DGKD: variants seen among roughly 807,000 people sequenced by gnomAD.
DGKD encodes diacylglycerol kinase delta.
DGKD carries 68 observed loss-of-function variants against 154.4 expected under a neutral mutation model. The observed-to-expected ratio is 0.44, with a 90% CI of 0.36 to 0.54. The LOEUF (loss-of-function observed/expected upper bound fraction) is 0.54. Ranked by LOEUF, DGKD falls within the 20% of genes least tolerant of loss-of-function variation. The pLI, the probability that DGKD is intolerant of heterozygous loss-of-function variation, is 0.00. For missense variants in DGKD, 1,343 were observed against 1,593.6 expected (o/e 0.84, Z 2.68); for synonymous variants, 693 against 638.0 (o/e 1.09, Z -1.30).
chr2:233,469,449 G>C lies in DGKD; in HGVS notation c.3634G>C (p.Val1212Leu). The stretch of plus-strand genomic sequence containing the variant: ...GGAGCTGAGCCGCAGCGCCCCCGCC[G>C]TCGAGGCCTAGCCTCTGTCCTCTCA... The part of the protein sequence containing the change: ...IKELSRSAPA[V>L]EA The change falls in exon 30 of 30, where the codon GTC (valine) becomes CTC (leucine). Residue 1212 changes from valine to leucine, a missense_variant. Transcript: ENST00000264057. 1 of 1,600,836 alleles carries C rather than the reference G, an allele frequency of 6.2e-7. No individual in the cohort carries two copies. The highest frequency in any genetic ancestry group is 1.1e-5 in the South Asian group (1 of 88,778).
chr2:233,425,420 C>T (rs2062262004), intron 3 of DGKD, among the ~76,000 whole-genome samples: 1 of 152,178 alleles, frequency 6.6e-6, no homozygotes, highest in Admixed American at 6.5e-5. Context: ...ATCTCCTGAC[C>T]TCGTGATTTG....
At chr2:233,379,754 G>A (rs530051118) in intron 1 of DGKD, 2 of 152,316 alleles carry the variant, frequency 1.3e-5, no homozygotes, top group South Asian at 2.1e-4. Context: ...AGGCTCAGGA[G>A]GTTGGGAGTG....
In DGKD at chr2:233,441,409, C is replaced by G. The variant is rs1035932535; in HGVS notation, c.1086-478C>G. Among the ~76,000 whole-genome samples the G allele has an allele frequency of 6.6e-6, 1 of 152,110 alleles. No homozygotes were observed. The highest frequency in any genetic ancestry group is 1.5e-5 in the Non-Finnish European group (1 of 68,002). On this transcript the variant is annotated intron_variant, in intron 9 of 29. Coordinates refer to ENST00000264057, the MANE Select transcript of DGKD (RefSeq NM_152879.3). This position sits in a 1 kb window ranked among gnomAD's most constrained non-coding sequence, Gnocchi z 5.6. ...CGGAAGCCAGACTGTGGCCCAGGGCCGGGGAGTGCCAAGACTGAGGGTGCA... is the reference window on the plus strand; with the variant it reads ...CGGAAGCCAGACTGTGGCCCAGGGCGGGGGAGTGCCAAGACTGAGGGTGCA...
chr2:233,360,263 A>C (rs1458654052), intron 1 of DGKD, among the ~76,000 whole-genome samples: 1 of 151,992 alleles, frequency 6.6e-6, no homozygotes, highest in African/African-American at 2.4e-5. Flanking sequence ...TCTTTAAAAA[A>C]ATTTTTTTTC....
intron 10 of DGKD, 123 bp downstream of exon 10, chr2:233,442,118 T>G: frequency 1.1e-6 from 1 of 950,974 alleles, no homozygotes; most frequent in Non-Finnish European, 1.7e-6. Context: ...CCATTGGTGG[T>G]TTTGGGGAGT....
chr2:233,401,870 A>AGATC (rs777720990), intron 3 of DGKD, among the ~76,000 whole-genome samples: 7 of 135,384 alleles, frequency 5.2e-5, no homozygotes, highest in Non-Finnish European at 1.1e-4. Context: ...CAGTGAGCTG[A>AGATC]GATCGCATCA....
At chr2:233,467,231 C>T (rs1173602857) in intron 28 of DGKD, 28 bp downstream of exon 28, 1 of 1,536,236 alleles carries the variant, frequency 6.5e-7, no homozygotes, top group Admixed American at 1.7e-5. Flanking sequence ...GCGTGTGTTT[C>T]TGGCCGTCCA....
At chr2:233,403,288 G>A (rs1575052572) in intron 3 of DGKD, among the ~76,000 whole-genome samples, 1 of 152,266 alleles carries the variant, frequency 6.6e-6, no homozygotes, top group Non-Finnish European at 1.5e-5. Context: ...GGCTGGGTGT[G>A]ATGGCTCACA....
chr2:233,374,534 C>T (rs552057941), intron 1 of DGKD, among the ~76,000 whole-genome samples: 2 of 152,236 alleles, frequency 1.3e-5, no homozygotes, highest in South Asian at 2.1e-4. Flanking sequence ...GGCATCTCAC[C>T]GTGTTGCCCA....
At chr2:233,362,733 G>A (rs1701841932) in intron 1 of DGKD, among the ~76,000 whole-genome samples, 1 of 152,198 alleles carries the variant, frequency 6.6e-6, no homozygotes, top group African/African-American at 2.4e-5. Flanking sequence ...TTCGATAGCC[G>A]TATGAACTGA....
At position 233,458,535 on chromosome 2, in the gene DGKD, C is replaced by T. The variant is rs1337765956; in HGVS notation, c.2694+138C>T. 3.6e-5 allele frequency: 19 copies of T among 533,160 alleles called. No individual in the cohort carries two copies. In the Admixed American group the frequency reaches 4.1e-4, roughly 12 times the overall value. The allele number at this position is 533,160 out of a possible 1,614,324, so 33.0% of individuals were successfully genotyped here. A position where few individuals can be genotyped will look rare whatever the true frequency, so the allele number is the denominator to read the frequency against. On this transcript the variant is annotated intron_variant, in intron 22 of 29. Transcript: ENST00000264057. This position sits in a 1 kb window ranked among gnomAD's most constrained non-coding sequence, Gnocchi z 6.6. The stretch of plus-strand genomic sequence containing the variant: ...GCCTCATGTCCTGTCCTGGACAGCT[C>T]GTGGCCCCACTTCCTGGGCCAGAGC...
chr2:233,410,585 T>TC (rs1261179619), intron 3 of DGKD, among the ~76,000 whole-genome samples: 1 of 152,252 alleles, frequency 6.6e-6, no homozygotes, highest in African/African-American at 2.4e-5. Flanking sequence ...TCTTTAGCAC[T>TC]CACTTTGACT....
chr2:233,363,496 A>G (rs1365644474), intron 1 of DGKD, among the ~76,000 whole-genome samples: 3 of 152,228 alleles, frequency 2.0e-5, no homozygotes, highest in Non-Finnish European at 4.4e-5. Context: ...ACAGTAAGCT[A>G]AGGTTAATTT....
intron 3 of DGKD, among the ~76,000 whole-genome samples, chr2:233,399,064 G>T (rs966897028): frequency 6.6e-6 from 1 of 152,304 alleles, no homozygotes; most frequent in Non-Finnish European, 1.5e-5. Context: ...TTTGATGAAG[G>T]ATTAATTTTT....
In DGKD at chr2:233,432,328, C is replaced by A. The variant is rs13401910; in HGVS notation, c.349-2052C>A. Among the ~76,000 whole-genome samples the A allele has an allele frequency of 6.6e-3, 637 of 95,826 alleles. 11 individuals are homozygous for A. Among genetic ancestry groups the A allele is most frequent in the South Asian group, 0.012 (36 of 3,058 alleles). 62.9% of individuals were successfully genotyped at this position (95,826 alleles called of 152,430 possible). On this transcript the variant is annotated intron_variant, in intron 3 of 29. Coordinates refer to ENST00000264057, the MANE Select transcript of DGKD (RefSeq NM_152879.3). Reference sequence around the variant, plus strand: ...ATCATGAGGTCAGGAGATTGTGACCCTCCTGGCTAACATGGTGAAACCTCG... The same window carrying A: ...ATCATGAGGTCAGGAGATTGTGACCATCCTGGCTAACATGGTGAAACCTCG...
intron 1 of DGKD, among the ~76,000 whole-genome samples, chr2:233,380,285 T>C (rs1702818411): frequency 6.6e-6 from 1 of 152,116 alleles, no homozygotes; most frequent in Admixed American, 6.6e-5. Context: ...GCCTGGCCCC[T>C]GGGGACGCCA....
At chr2:233,447,875 G>A (rs1168026349) in intron 12 of DGKD, 20 of 1,393,812 alleles carry the variant, frequency 1.4e-5, no homozygotes, top group Admixed American at 6.2e-5. Flanking sequence ...GCAGCTTGAC[G>A]AAGCTTTTAA....
rs2063549649 is a variant in DGKD at position 233,459,261 on chromosome 2, G to A, written c.2695-496G>A. Among the ~76,000 whole-genome samples the A allele has an allele frequency of 6.6e-6, 1 of 152,200 alleles. No individual in the cohort carries two copies. The highest frequency in any genetic ancestry group is 6.5e-5 in the Admixed American group (1 of 15,284). ...ACTGGCTGAACCCCACCCTGCGACT[G>A]TCTGGTGTCTTCCAGCACTCTGTCT... On this transcript the variant is annotated intron_variant, in intron 22 of 29. Coordinates refer to ENST00000264057, the MANE Select transcript of DGKD (RefSeq NM_152879.3). The surrounding 1 kb of genome is among the most constrained non-coding windows in gnomAD (Gnocchi z 5.7).
rs1575114877 is a variant in DGKD at position 233,435,859 on chromosome 2, A to G, written c.628A>G (p.Thr210Ala). 2.5e-6 allele frequency: 4 copies of G among 1,612,780 alleles called. No homozygotes were observed. Among genetic ancestry groups the G allele is most frequent in the East Asian group, 2.2e-5 (1 of 44,858 alleles). Reference sequence around the variant, plus strand: ...CCACAAGCGCTGTGCTGTGCGTGCAACCAATAACTGCAAGTGGACCACACT... The same window carrying G: ...CCACAAGCGCTGTGCTGTGCGTGCAGCCAATAACTGCAAGTGGACCACACT... ...KAHKRCAVRA[T>A]NNCKWTTLAS... Residue 210 changes from threonine (T) to alanine (A), a missense_variant, in exon 6 of 30, where the codon ACC (threonine) becomes GCC (alanine). This residue lies in a region of DGKD where 332 missense variants were observed against 400.1 expected (regional missense o/e 0.83). Transcript: ENST00000264057.
Sources: gnomAD v4.1 joint callset for allele counts (sites outside exome capture counted in the v4.1 genomes callset) on GRCh38, gnomAD v4.1.1 for gene constraint, gnomAD v4.1.1 regional missense constraint, Gnocchi (gnomAD v3.1) non-coding constraint, MANE v1.5 for transcripts, NCBI Gene and HGNC (gene_info 2026-07-23, HGNC 2026-07-21) for gene names.